The following SLC12A9 variants were observed in gnomAD, a reference collection of about 807,000 sequenced individuals.
SLC12A9 encodes solute carrier family 12 member 9, also known as CCC-interacting protein 1.
SLC12A9 carries 55 observed loss-of-function variants against 66.0 expected under a neutral mutation model. The ratio of observed to expected loss-of-function variants is 0.83; its 90% confidence interval spans 0.67 to 1.04. The LOEUF (loss-of-function observed/expected upper bound fraction) is 1.04. Among genes scored for constraint, SLC12A9 ranks in the 50% least tolerant of loss-of-function variants. The probability of loss-of-function intolerance (pLI) is 0.00; values close to 1 mark genes in which losing one functional copy is unlikely to be tolerated. For synonymous variants in SLC12A9, 577 were observed against 569.0 expected, an observed-to-expected ratio of 1.01 and a Z score of -0.20; for missense variants, 1,061 against 1,241.9, an observed-to-expected ratio of 0.85 and a Z score of 2.19.
intron 1 of SLC12A9, among the ~76,000 whole-genome samples, chr7:100,829,355 C>T (rs1584673062): frequency 6.6e-6 from 1 of 152,190 alleles, no homozygotes; most frequent in East Asian, 1.9e-4. Context: ...CGTTGGAGTC[C>T]AGGATGCTTG....
In SLC12A9 at chr7:100,854,283, C is replaced by G; in HGVS notation, c.86C>G (p.Pro29Arg). 1 of 1,599,634 alleles carries G rather than the reference C, an allele frequency of 6.3e-7. No homozygotes were observed. The highest frequency in any genetic ancestry group is 1.1e-5 in the South Asian group (1 of 88,756). ...VALPANGAGG[P>R]GGASARKLST... ...CTCCCTGCCAATGGGGCCGGGGGTC[C>G]TGGAGGGGCGTCTGCCCGGAAGCTG... Residue 29 changes from proline to arginine, a missense_variant, in exon 2 of 14, where the codon CCT (proline) becomes CGT (arginine). Pro to Arg is a moderately radical substitution (Grantham distance 103). Transcript: ENST00000354161.
chr7:100,859,847 C>T (rs762718530), intron 7 of SLC12A9, 38 bp from the exon 8 acceptor site: 32 of 1,572,556 alleles, frequency 2.0e-5, no homozygotes, highest in Non-Finnish European at 2.6e-5. Context: ...TACCCCGTGA[C>T]GCATGATCAT....
chr7:100,828,565 A>G (rs1375068053), intron 1 of SLC12A9, among the ~76,000 whole-genome samples: 1 of 150,370 alleles, frequency 6.7e-6, no homozygotes, highest in East Asian at 1.9e-4. Context: ...AAAAAAAAAA[A>G]AAAAAAAAAA....
At chr7:100,860,638 ACT>A in intron 9 of SLC12A9, 1 of 357,060 alleles carries the variant, frequency 2.8e-6, no homozygotes, top group Non-Finnish European at 5.3e-6. Flanking sequence ...GTTTGGTGGC[ACT>A]CTGTGGGAGT....
intron 1 of SLC12A9, among the ~76,000 whole-genome samples, chr7:100,843,087 C>T (rs190069765): frequency 1.1e-3 from 161 of 152,344 alleles, no homozygotes; most frequent in African/African-American, 3.8e-3. Context: ...CATCCCTGAG[C>T]GGATGTGTGG....
At chr7:100,838,034 T>A (rs945916699) in intron 1 of SLC12A9, among the ~76,000 whole-genome samples, 5 of 151,982 alleles carry the variant, frequency 3.3e-5, no homozygotes, top group Non-Finnish European at 7.4e-5. Context: ...CTAATTTTTT[T>A]GTATTTTTAG....
intron 1 of SLC12A9, chr7:100,837,568 T>G (rs1019952709): frequency 1.3e-5 from 2 of 152,224 alleles, no homozygotes; most frequent in African/African-American, 4.8e-5. Context: ...TGGGGCGGAT[T>G]CCGGAGGATT....
At chr7:100,829,357 G>A (rs1170573104) in intron 1 of SLC12A9, among the ~76,000 whole-genome samples, 1 of 152,228 alleles carries the variant, frequency 6.6e-6, no homozygotes, top group Non-Finnish European at 1.5e-5. Context: ...TTGGAGTCCA[G>A]GATGCTTGGG....
Position 100,855,586 on chromosome 7 carries a change from T to A in SLC12A9, c.317-120T>A, listed in dbSNP as rs314370. The A allele has an allele frequency of 1.1e-5, 15 of 1,351,348 alleles. No homozygotes were observed. The East Asian group carries it at 2.3e-4, about 21-fold the overall frequency. The allele number at this position is 1,351,348 out of a possible 1,614,324, so 83.7% of individuals were successfully genotyped here. A position where few individuals can be genotyped will look rare whatever the true frequency, so the allele number is the denominator to read the frequency against. ...TGGCACTCAGAGGATATGAGTGACT[T>A]GGGCAAAGCCACATGGCTGGGGCCT... On this transcript the variant is annotated intron_variant, in intron 3 of 13. Transcript: ENST00000354161.
chr7:100,857,275 G>A, intron 5 of SLC12A9, 99 bp downstream of exon 5: 3 of 1,313,658 alleles, frequency 2.3e-6, no homozygotes, highest in Non-Finnish European at 3.2e-6. Flanking sequence ...GTGTCAGAGG[G>A]AATGGAGGGC....
chr7:100,842,976 A>G (rs314330), intron 1 of SLC12A9, among the ~76,000 whole-genome samples: 89,187 of 152,216 alleles, frequency 0.59, 26,507 homozygotes, highest in East Asian at 0.83. Context: ...TTCACTTCGT[A>G]TCTCTCACTA....
intron 1 of SLC12A9, among the ~76,000 whole-genome samples, chr7:100,845,209 C>T (rs929089483): frequency 5.3e-5 from 8 of 150,994 alleles, no homozygotes; most frequent in East Asian, 3.9e-4. Context: ...TCCAAAGTTG[C>T]GGACCGTTTA....
intron 1 of SLC12A9, among the ~76,000 whole-genome samples, chr7:100,828,307 G>A (rs1270519817): frequency 6.6e-6 from 1 of 151,908 alleles, no homozygotes; most frequent in African/African-American, 2.4e-5. Flanking sequence ...GGGAGGCAGA[G>A]GCAGGCGGAT....
intron 9 of SLC12A9, chr7:100,860,731 T>C: frequency 2.6e-6 from 1 of 380,138 alleles, no homozygotes; most frequent in South Asian, 2.1e-5. Context: ...TCAGGGTTCA[T>C]TGACACTTTG....
chr7:100,843,310 A>G (rs1252817929), intron 1 of SLC12A9, among the ~76,000 whole-genome samples: 1 of 152,238 alleles, frequency 6.6e-6, no homozygotes, highest in Non-Finnish European at 1.5e-5. Context: ...TACCAGATCA[A>G]TTTAAAGCTT....
intron 9 of SLC12A9, 65 bp downstream of exon 9, chr7:100,860,297 T>C: frequency 1.3e-6 from 2 of 1,528,828 alleles, no homozygotes; most frequent in Non-Finnish European, 1.8e-6. Flanking sequence ...GGGGTGCAGT[T>C]AGATGCAGGC....
chr7:100,848,581 G>A (rs1346753214), upstream of SLC12A9, among the ~76,000 whole-genome samples: 1 of 151,842 alleles, frequency 6.6e-6, no homozygotes, highest in African/African-American at 2.4e-5. Context: ...ATCGTGAAGG[G>A]ACTGGGTATA....
At position 100,866,485 on chromosome 7, in the gene SLC12A9, G is replaced by C; in HGVS notation, c.2625G>C (p.Arg875=). The change falls in exon 14 of 14, where the codon CGG becomes CGC. Residue 875 remains arginine, a synonymous_variant. Coordinates refer to ENST00000354161, the MANE Select transcript of SLC12A9 (RefSeq NM_020246.4). The surrounding 1 kb of genome is among the most constrained non-coding windows in gnomAD (Gnocchi z 7.3). The part of the protein sequence containing the change: ...ITALTFLYLP[R]PPADPARYPR... ...CCCTCACCTTCCTGTACTTGCCTCG[G>C]CCGCCAGCCGATCCCGCCCGATACC... 1 of 1,553,368 alleles carries C rather than the reference G, an allele frequency of 6.4e-7. No individual in the cohort carries two copies. Among genetic ancestry groups the C allele is most frequent in the Non-Finnish European group, 8.7e-7 (1 of 1,149,522 alleles).
chr7:100,861,943 C>A lies in SLC12A9; in HGVS notation c.1711+32C>A, dbSNP rs777631639. 5 of 1,529,214 alleles carry A rather than the reference C, an allele frequency of 3.3e-6. No homozygotes were observed. Among genetic ancestry groups the A allele is most frequent in the Non-Finnish European group, 4.4e-6 (5 of 1,140,148 alleles). The allele number at this position is 1,529,214 out of a possible 1,614,324, so 94.7% of individuals were successfully genotyped here. A position where few individuals can be genotyped will look rare whatever the true frequency, so the allele number is the denominator to read the frequency against. On this transcript the variant is annotated intron_variant, in intron 12 of 13. Coordinates refer to ENST00000354161, the MANE Select transcript of SLC12A9 (RefSeq NM_020246.4). This position sits in a 1 kb window ranked among gnomAD's most constrained non-coding sequence, Gnocchi z 5.3. Reference sequence around the variant, plus strand: ...TGCCCTCCCACTCACTCACTCACTCCCATCCTTCTCTCCCCCTACCTTTTT... The same window carrying A: ...TGCCCTCCCACTCACTCACTCACTCACATCCTTCTCTCCCCCTACCTTTTT...
Sources: allele counts gnomAD v4.1 joint callset (sites outside exome capture counted in the v4.1 genomes callset), GRCh38; gene constraint gnomAD v4.1.1; non-coding constraint Gnocchi (gnomAD v3.1); transcripts MANE v1.5; gene names NCBI Gene and HGNC (gene_info 2026-07-23, HGNC 2026-07-21).